The following GALNT13 variants were observed in gnomAD, a reference collection of about 807,000 sequenced individuals.
GALNT13 encodes the protein polypeptide N-acetylgalactosaminyltransferase 13, also known as UDP-GalNAc:polypeptide N-acetylgalactosaminyltransferase 13.
A neutral mutation model predicts 64.2 loss-of-function variants in GALNT13; 28 were observed. The observed-to-expected ratio is 0.44, with a 90% CI of 0.32 to 0.60. GALNT13 has a LOEUF of 0.60. Among genes scored for constraint, GALNT13 ranks in the 20% least tolerant of loss-of-function variants. GALNT13 has a pLI of 0.05. For missense variants in GALNT13, 577 were observed against 669.8 expected (o/e 0.86, Z 1.53); for synonymous variants, 214 against 224.6 (o/e 0.95, Z 0.42).
chr2:153,333,285 A>G, the GALNT13 span, among the ~76,000 whole-genome samples: 1 of 152,234 alleles, frequency 6.6e-6, no homozygotes, highest in Non-Finnish European at 1.5e-5. Context: ...GGGAAAATAA[A>G]GTGCTCTCCC....
chr2:154,410,057 A>G (rs1444099419), intron 11 of GALNT13, among the ~76,000 whole-genome samples: 2 of 151,974 alleles, frequency 1.3e-5, no homozygotes, highest in Admixed American at 1.3e-4. Context: ...TAGTGTTCCA[A>G]ACTGTCAATT....
the GALNT13 span, among the ~76,000 whole-genome samples, chr2:153,514,143 A>G: frequency 1.6e-4 from 25 of 151,698 alleles, no homozygotes; most frequent in African/African-American, 5.6e-4. Context: ...TTTCATCCTC[A>G]TATATCTTAT....
chr2:153,342,809 G>C, the GALNT13 span, among the ~76,000 whole-genome samples: 1 of 152,000 alleles, frequency 6.6e-6, no homozygotes, highest in Non-Finnish European at 1.5e-5. Context: ...TGTCATTTTT[G>C]ATTTCACAAA....
At chr2:153,753,312 T>C in the GALNT13 span, among the ~76,000 whole-genome samples, 2 of 152,170 alleles carry the variant, frequency 1.3e-5, no homozygotes, top group Admixed American at 6.6e-5. Flanking sequence ...TAGATGTTCA[T>C]CTGTGGCTGG....
the GALNT13 span, among the ~76,000 whole-genome samples, chr2:153,847,796 T>C: frequency 2.1e-3 from 324 of 152,292 alleles, 3 homozygotes; most frequent in South Asian, 0.015. Flanking sequence ...AATTCAACAA[T>C]GTATTGAGAA....
At chr2:153,791,117 T>A in the GALNT13 span, among the ~76,000 whole-genome samples, 14 of 152,080 alleles carry the variant, frequency 9.2e-5, 1 homozygote, top group Admixed American at 8.5e-4. Flanking sequence ...TTGCAAACTA[T>A]CCATCTGACA....
At chr2:154,440,978 C>A (rs188655782) in intron 12 of GALNT13, among the ~76,000 whole-genome samples, 2 of 152,234 alleles carry the variant, frequency 1.3e-5, no homozygotes, top group African/African-American at 4.8e-5. Context: ...AATGGTTCCA[C>A]CCCTTGCTAC....
chr2:154,189,432 C>G (rs893154370), intron 4 of GALNT13, among the ~76,000 whole-genome samples: 1 of 145,790 alleles, frequency 6.9e-6, no homozygotes, highest in Non-Finnish European at 1.5e-5. Context: ...AGAAGAGGCA[C>G]CACAGTGCTT....
chr2:153,248,524 AAAACC>A, the GALNT13 span, among the ~76,000 whole-genome samples: 1 of 152,280 alleles, frequency 6.6e-6, no homozygotes, highest in East Asian at 1.9e-4. Flanking sequence ...CTTTATGTTA[AAAACC>A]CTCGGCCGGG....
intron 4 of GALNT13, among the ~76,000 whole-genome samples, chr2:154,155,454 G>A (rs115695287): frequency 0.015 from 2,206 of 152,098 alleles, 26 homozygotes; most frequent in Non-Finnish European, 0.022. Context: ...TTTGACTTCT[G>A]TATTAAATTA....
At chr2:153,649,655 G>T in the GALNT13 span, among the ~76,000 whole-genome samples, 5 of 152,124 alleles carry the variant, frequency 3.3e-5, no homozygotes, top group Admixed American at 6.6e-5. Flanking sequence ...ATAGATTCTG[G>T]TATGTTGTGC....
intron 3 of GALNT13, among the ~76,000 whole-genome samples, chr2:154,025,215 C>G (rs1293290687): frequency 1.3e-5 from 2 of 152,252 alleles, no homozygotes; most frequent in East Asian, 3.9e-4. Flanking sequence ...TACTTTCTTC[C>G]AAGCTCAGTT....
chr2:153,331,474 G>C, the GALNT13 span, among the ~76,000 whole-genome samples: 2 of 152,018 alleles, frequency 1.3e-5, no homozygotes, highest in Admixed American at 6.6e-5. Flanking sequence ...ATGATCACAA[G>C]GTTCCACAAT....
chr2:154,045,972 AT>A (rs1303276350), intron 3 of GALNT13, among the ~76,000 whole-genome samples: 1 of 149,412 alleles, frequency 6.7e-6, no homozygotes, highest in Admixed American at 6.7e-5. Context: ...TTGCTTGTTC[AT>A]TTTTTTTCCG....
At chr2:153,401,628 T>C in the GALNT13 span, among the ~76,000 whole-genome samples, 300 of 151,064 alleles carry the variant, frequency 2.0e-3, 2 homozygotes, top group African/African-American at 6.6e-3. Flanking sequence ...GGTGCATATA[T>C]ATTTAGGATA....
At position 154,396,064 on chromosome 2, in the gene GALNT13, T is replaced by G; in HGVS notation, c.1230T>G (p.Phe410Leu). Residue 410 changes from phenylalanine (F) to leucine (L), a missense_variant, in exon 10 of 13, where the codon TTT (phenylalanine) becomes TTG (leucine). Phe to Leu is a conservative substitution (Grantham distance 22). Transcript: ENST00000392825. The stretch of plus-strand genomic sequence containing the variant: ...GAGAAAATCTGAAGTGTAAGCCCTT[T>G]TCTTGGTACCTAGAAAACATCTATC... ...TLRENLKCKP[F>L]SWYLENIYPD... The G allele has an allele frequency of 6.2e-7, 1 of 1,611,928 alleles. No homozygotes were observed.
chr2:153,906,434 C>T (rs1688570381), intron 2 of GALNT13, among the ~76,000 whole-genome samples: 1 of 145,432 alleles, frequency 6.9e-6, no homozygotes, highest in Non-Finnish European at 1.5e-5. Flanking sequence ...TGTGATGTTC[C>T]CCTTCCTGTG....
At chr2:154,443,365 G>A (rs1245232748) in intron 12 of GALNT13, among the ~76,000 whole-genome samples, 2 of 151,928 alleles carry the variant, frequency 1.3e-5, no homozygotes, top group African/African-American at 4.8e-5. Flanking sequence ...AATGTTTTGA[G>A]TAACAACTTT....
At chr2:153,075,170 T>G in the GALNT13 span, among the ~76,000 whole-genome samples, 287 of 152,342 alleles carry the variant, frequency 1.9e-3, no homozygotes, top group African/African-American at 6.7e-3. Flanking sequence ...ATTTTCTTGC[T>G]AAAACCTGAA....
Sources: allele counts gnomAD v4.1 joint callset (sites outside exome capture counted in the v4.1 genomes callset), GRCh38; gene constraint gnomAD v4.1.1; transcripts MANE v1.5; gene names NCBI Gene and HGNC (gene_info 2026-07-23, HGNC 2026-07-21).